The following MYRIP variants were observed in gnomAD, a reference collection of about 807,000 sequenced individuals.
The protein encoded by MYRIP is rab effector MyRIP.
MYRIP carries 49 observed loss-of-function variants against 98.0 expected under a neutral mutation model. The ratio of observed to expected loss-of-function variants is 0.50; its 90% CI spans 0.40 to 0.63. MYRIP has a LOEUF of 0.63. Ranked by LOEUF, MYRIP falls within the 30% of genes least tolerant of loss-of-function variation. The probability of loss-of-function intolerance (pLI) is 0.00; values close to 1 mark genes in which losing one functional copy is unlikely to be tolerated. For synonymous variants in MYRIP, 404 were observed against 409.5 expected (o/e 0.99, Z 0.16); for missense variants, 1,004 against 1,058.2 (o/e 0.95, Z 0.71).
At position 39,875,406 on chromosome 3, in the gene MYRIP, T is replaced by C. The variant is rs1320201507; in HGVS notation, c.-30-25381T>C. On this transcript the variant is annotated intron_variant, in intron 1 of 16. Transcript: ENST00000302541. Reference sequence around the variant, plus strand: ...AGCTTTTGAATGTGTTTGCTCTTGCTTTTCTAGTTCTTTTAATTGTGATGT... The same window carrying C: ...AGCTTTTGAATGTGTTTGCTCTTGCCTTTCTAGTTCTTTTAATTGTGATGT... Among the ~76,000 whole-genome samples, 19 of 151,596 alleles carry C rather than the reference T, an allele frequency of 1.3e-4. No homozygotes were observed. In the East Asian group the frequency reaches 3.3e-3, roughly 26 times the overall value.
intron 3 of MYRIP, among the ~76,000 whole-genome samples, chr3:40,085,129 T>C (rs1948598494): frequency 6.8e-6 from 1 of 147,174 alleles, no homozygotes; most frequent in Admixed American, 6.8e-5. Flanking sequence ...CTATGTGTTA[T>C]ATATCCACAG....
intron 3 of MYRIP, among the ~76,000 whole-genome samples, chr3:40,134,065 G>A (rs763659667): frequency 6.6e-5 from 10 of 152,322 alleles, no homozygotes; most frequent in Non-Finnish European, 8.8e-5. Context: ...TGCACCCTGC[G>A]TGAGCCGAAG....
chr3:40,124,525 G>T (rs1258918804), intron 3 of MYRIP, among the ~76,000 whole-genome samples: 1 of 152,208 alleles, frequency 6.6e-6, no homozygotes, highest in African/African-American at 2.4e-5. Flanking sequence ...GCAGTGACTG[G>T]AACCTGCCTC....
intron 10 of MYRIP, among the ~76,000 whole-genome samples, chr3:40,197,611 C>T (rs1177745993): frequency 1.3e-5 from 2 of 152,226 alleles, no homozygotes; most frequent in African/African-American, 2.4e-5. Context: ...TTTGTCTTAT[C>T]TCCCCATTTC....
intron 2 of MYRIP, among the ~76,000 whole-genome samples, chr3:39,986,468 C>G (rs1259494357): frequency 6.6e-6 from 1 of 152,056 alleles, no homozygotes; most frequent in Admixed American, 6.6e-5. Context: ...CTCTCTCTCT[C>G]TCTGTCTCTT....
At chr3:40,003,506 G>A (rs1016440752) in intron 2 of MYRIP, among the ~76,000 whole-genome samples, 3 of 152,138 alleles carry the variant, frequency 2.0e-5, no homozygotes, top group Non-Finnish European at 4.4e-5. Flanking sequence ...GCCAGCTCCA[G>A]GTATTAGAAA....
intron 13 of MYRIP, among the ~76,000 whole-genome samples, chr3:40,247,187 G>A (rs1385411758): frequency 1.3e-5 from 2 of 151,974 alleles, no homozygotes; most frequent in African/African-American, 4.8e-5. Flanking sequence ...CATTTTTCTA[G>A]ACTTAAATTA....
chr3:40,132,492 T>C (rs1949665202), intron 3 of MYRIP, among the ~76,000 whole-genome samples: 1 of 152,236 alleles, frequency 6.6e-6, no homozygotes, highest in African/African-American at 2.4e-5. Flanking sequence ...GGCTAGGCAA[T>C]TCTCCAGAAG....
intron 13 of MYRIP, among the ~76,000 whole-genome samples, chr3:40,246,432 T>G (rs971927217): frequency 6.6e-6 from 1 of 152,206 alleles, no homozygotes; most frequent in African/African-American, 2.4e-5. Context: ...AGTAAATCTG[T>G]GCTTTACATA....
chr3:39,914,666 A>G (rs1241803451), intron 2 of MYRIP, among the ~76,000 whole-genome samples: 9 of 152,094 alleles, frequency 5.9e-5, no homozygotes, highest in African/African-American at 2.2e-4. Context: ...GCAAAAAACT[A>G]AACAGAAGGA....
intron 3 of MYRIP, among the ~76,000 whole-genome samples, chr3:40,141,221 A>T (rs1284302372): frequency 6.6e-6 from 1 of 152,230 alleles, no homozygotes; most frequent in Non-Finnish European, 1.5e-5. Context: ...TCAGCCATAA[A>T]AAAGAATGAG....
intron 5 of MYRIP, among the ~76,000 whole-genome samples, chr3:40,166,294 A>T (rs1950496973): frequency 6.6e-6 from 1 of 152,264 alleles, no homozygotes; most frequent in Admixed American, 6.5e-5. Context: ...GTAGATAAAG[A>T]ACCATTATTT....
intron 10 of MYRIP, among the ~76,000 whole-genome samples, chr3:40,202,385 T>C (rs1395986764): frequency 6.6e-6 from 1 of 152,014 alleles, no homozygotes; most frequent in African/African-American, 2.4e-5. Context: ...TGAGGCTAAA[T>C]AGGAGAAAAA....
At chr3:40,010,004 C>G (rs1946724667) in intron 2 of MYRIP, among the ~76,000 whole-genome samples, 1 of 152,112 alleles carries the variant, frequency 6.6e-6, no homozygotes, top group South Asian at 2.1e-4. Context: ...GAATGATGAG[C>G]CTAGGGAGAA....
At chr3:39,878,019 C>G (rs1445190136) in intron 1 of MYRIP, among the ~76,000 whole-genome samples, 87 of 150,558 alleles carry the variant, frequency 5.8e-4, no homozygotes, top group East Asian at 1.2e-3. Context: ...TTCCCGGCTG[C>G]TTTGTTTACC....
At chr3:39,985,796 C>A (rs1321384155) in intron 2 of MYRIP, among the ~76,000 whole-genome samples, 1 of 151,860 alleles carries the variant, frequency 6.6e-6, no homozygotes, top group Non-Finnish European at 1.5e-5. Flanking sequence ...ACACCTTATA[C>A]CAAAATCAAT....
At chr3:40,032,084 G>A (rs1393911959) in intron 2 of MYRIP, among the ~76,000 whole-genome samples, 1 of 152,008 alleles carries the variant, frequency 6.6e-6, no homozygotes, top group African/African-American at 2.4e-5. Context: ...TGATGTTAGG[G>A]TGTCCATTTT....
At chr3:40,160,284 G>A (rs1351624015) in intron 4 of MYRIP, among the ~76,000 whole-genome samples, 3 of 152,210 alleles carry the variant, frequency 2.0e-5, no homozygotes, top group Non-Finnish European at 4.4e-5. Context: ...CTACTGGGGG[G>A]TGCCTCCCAG....
At chr3:39,949,129 T>C (rs74683026) in intron 2 of MYRIP, among the ~76,000 whole-genome samples, 1,713 of 152,196 alleles carry the variant, frequency 0.011, 32 homozygotes, top group East Asian at 0.095. Flanking sequence ...CTGAAAGAGA[T>C]CCAGGCTTGA....
Sources: gnomAD v4.1 joint callset for allele counts (sites outside exome capture counted in the v4.1 genomes callset) on GRCh38, gnomAD v4.1.1 for gene constraint, MANE v1.5 for transcripts, NCBI Gene and HGNC (gene_info 2026-07-23, HGNC 2026-07-21) for gene names.